REC114: variants seen among roughly 807,000 people sequenced by gnomAD.
REC114 encodes REC114 meiotic recombination protein.
A neutral mutation model predicts 31.3 loss-of-function variants in REC114; 27 were observed. The ratio of observed to expected loss-of-function variants is 0.86; its 90% CI spans 0.64 to 1.19. The LOEUF is 1.19. REC114 is among the 50% of genes most tolerant of loss of function. The pLI, the probability that REC114 is intolerant of heterozygous loss-of-function variation, is 0.00. For synonymous variants in REC114, 134 were observed against 127.7 expected (o/e 1.05, Z -0.33); for missense variants, 344 against 326.9 (o/e 1.05, Z -0.40).
At chr15:73,516,073 G>A (rs936326769) in intron 2 of REC114, among the ~76,000 whole-genome samples, 1 of 150,124 alleles carries the variant, frequency 6.7e-6, no homozygotes, top group African/African-American at 2.5e-5. Context: ...TGCAACCTCC[G>A]CCTCCCAGGT....
intron 2 of REC114, among the ~76,000 whole-genome samples, chr15:73,502,364 C>T (rs757263709): frequency 1.3e-5 from 2 of 152,102 alleles, no homozygotes; most frequent in African/African-American, 4.8e-5. Context: ...ACCCCTTGCG[C>T]AGCTGAAAAT....
chr15:73,496,489 CA>C (rs1335743591), intron 2 of REC114, among the ~76,000 whole-genome samples: 1 of 149,914 alleles, frequency 6.7e-6, no homozygotes, highest in Non-Finnish European at 1.5e-5. Flanking sequence ...CTCATTTCTA[CA>C]AAAAACACAA....
At chr15:73,550,909 C>G (rs1323607570) in intron 3 of REC114, 29 bp from the exon 4 acceptor site, 1 of 1,607,110 alleles carries the variant, frequency 6.2e-7, no homozygotes, top group Non-Finnish European at 8.5e-7. Flanking sequence ...ATGAGGGTCT[C>G]TCATGATAAC....
intron 1 of REC114, among the ~76,000 whole-genome samples, chr15:73,460,932 C>A (rs1892980934): frequency 6.6e-6 from 1 of 151,896 alleles, no homozygotes; most frequent in Non-Finnish European, 1.5e-5. Flanking sequence ...TTTATGGCTA[C>A]TGATAGAGGT....
intron 2 of REC114, among the ~76,000 whole-genome samples, chr15:73,506,875 T>C (rs929521541): frequency 3.9e-5 from 6 of 152,140 alleles, no homozygotes; most frequent in Non-Finnish European, 7.4e-5. Context: ...GATCAACATA[T>C]ATTAACTACG....
At chr15:73,481,166 ATATGT>A (rs1443005344) in intron 2 of REC114, among the ~76,000 whole-genome samples, 1 of 152,154 alleles carries the variant, frequency 6.6e-6, no homozygotes, top group Non-Finnish European at 1.5e-5. Context: ...CATGTGTGTG[ATATGT>A]TTATGTAAAA....
chr15:73,520,270 A>T (rs1291133558), intron 2 of REC114, among the ~76,000 whole-genome samples: 1 of 151,458 alleles, frequency 6.6e-6, no homozygotes, highest in Non-Finnish European at 1.5e-5. Flanking sequence ...TGATCCCTGT[A>T]GCCCAGGCTG....
intron 2 of REC114, among the ~76,000 whole-genome samples, chr15:73,494,783 A>C (rs1893495941): frequency 1.3e-5 from 2 of 152,214 alleles, no homozygotes; most frequent in African/African-American, 4.8e-5. Flanking sequence ...GATCAGACAG[A>C]TGAGACACTC....
intron 3 of REC114, among the ~76,000 whole-genome samples, chr15:73,546,935 C>T (rs572991933): frequency 4.0e-5 from 6 of 151,896 alleles, no homozygotes; most frequent in African/African-American, 1.2e-4. Context: ...ATACTTAAAT[C>T]GAAGACCTCA....
chr15:73,487,812 G>A (rs1190197834), intron 2 of REC114, among the ~76,000 whole-genome samples: 4 of 152,340 alleles, frequency 2.6e-5, no homozygotes, highest in South Asian at 2.1e-4. Context: ...CCCTGCATCC[G>A]TGGCTTCACT....
chr15:73,516,103 C>A (rs1416756124), intron 2 of REC114, among the ~76,000 whole-genome samples: 1 of 151,912 alleles, frequency 6.6e-6, no homozygotes, highest in Non-Finnish European at 1.5e-5. Context: ...TCTCCTGCCA[C>A]AGCCCCCCAA....
rs139881950 is a variant in REC114, at chr15:73,495,354, C to T, written c.249+21433C>T. Among the ~76,000 whole-genome samples the T allele has an allele frequency of 2.5e-4, 38 of 152,030 alleles. No homozygotes were observed. The East Asian group carries it at 4.2e-3, about 17-fold the overall frequency. The stretch of plus-strand genomic sequence containing the variant: ...TAGTTTCGAAAAAAAAGTACCTCTT[C>T]GGGGCTAAGTTCTGGTTGGTTCCTT... On this transcript the variant is annotated intron_variant, in intron 2 of 5. Transcript: ENST00000331090.
Position 73,556,322 on chromosome 15 carries a change from A to T in REC114, c.567A>T (p.Gln189His). 6.2e-7 allele frequency: 1 copy of T among 1,613,734 alleles called. No individual in the cohort carries two copies. Among genetic ancestry groups the T allele is most frequent in the Non-Finnish European group, 8.5e-7 (1 of 1,179,742 alleles). The change falls in exon 5 of 6, where the codon CAA (glutamine) becomes CAT (histidine). Residue 189 changes from glutamine to histidine, a missense_variant. Coordinates refer to ENST00000331090, the MANE Select transcript of REC114 (RefSeq NM_001042367.2). ...RQPGSHQHSE[Q>H]QQVCVTAGTG... Reference sequence around the variant, plus strand: ...TCCAGTCCCACCAGCACTCAGAACAACAGCAAGTGTGTGTAACAGCGGGCA... The same window carrying T: ...TCCAGTCCCACCAGCACTCAGAACATCAGCAAGTGTGTGTAACAGCGGGCA...
chr15:73,500,632 A>T (rs1893591216), intron 2 of REC114, among the ~76,000 whole-genome samples: 1 of 152,090 alleles, frequency 6.6e-6, no homozygotes, highest in Admixed American at 6.6e-5. Flanking sequence ...TCAAGTGGTA[A>T]AGTTAAGATA....
chr15:73,499,133 A>G (rs1045399923), intron 2 of REC114, among the ~76,000 whole-genome samples: 3 of 152,062 alleles, frequency 2.0e-5, no homozygotes, highest in Non-Finnish European at 2.9e-5. Context: ...CGCATTGGAC[A>G]CTGTAAAGAA....
At chr15:73,461,792 C>T (rs1287197888) in intron 1 of REC114, among the ~76,000 whole-genome samples, 5 of 151,782 alleles carry the variant, frequency 3.3e-5, no homozygotes, top group Non-Finnish European at 7.4e-5. Flanking sequence ...TGTTAAGCTA[C>T]GTTTAGATTG....
At chr15:73,476,749 A>G (rs1595865041) in intron 2 of REC114, among the ~76,000 whole-genome samples, 1 of 152,192 alleles carries the variant, frequency 6.6e-6, no homozygotes, top group South Asian at 2.1e-4. Flanking sequence ...ATTCCATTGC[A>G]TAGGTAAACC....
chr15:73,478,627 G>A (rs1466285500), intron 2 of REC114, among the ~76,000 whole-genome samples: 1 of 152,150 alleles, frequency 6.6e-6, no homozygotes, highest in East Asian at 1.9e-4. Flanking sequence ...TGCTGGGATT[G>A]TGATGGGACT....
intron 2 of REC114, among the ~76,000 whole-genome samples, chr15:73,490,598 G>A (rs2141302351): frequency 6.6e-6 from 1 of 152,282 alleles, no homozygotes; most frequent in South Asian, 2.1e-4. Flanking sequence ...CTATTCAGGA[G>A]GCTGAGTTCA....
Sources: gnomAD v4.1 joint callset for allele counts (sites outside exome capture counted in the v4.1 genomes callset) on GRCh38, gnomAD v4.1.1 for gene constraint, MANE v1.5 for transcripts, NCBI Gene and HGNC (gene_info 2026-07-23, HGNC 2026-07-21) for gene names.